Variants in SLC37A3 observed in about 807,000 individuals in gnomAD.
SLC37A3 encodes the protein sugar phosphate exchanger 3.
Under a neutral mutation model 67.1 loss-of-function variants are expected in SLC37A3, and 51 were observed. The observed-to-expected ratio is 0.76, with a 90% CI of 0.61 to 0.96. SLC37A3 has a LOEUF of 0.96. SLC37A3 is among the 40% of genes least tolerant of loss of function. SLC37A3 has a pLI of 0.00. For synonymous variants in SLC37A3, 214 were observed against 231.4 expected, an observed-to-expected ratio of 0.92 and a Z score of 0.68; for missense variants, 508 against 603.0, an observed-to-expected ratio of 0.84 and a Z score of 1.65.
intron 8 of SLC37A3, 123 bp downstream of exon 8, chr7:140,351,937 CCT>C: frequency 1.1e-6 from 1 of 950,342 alleles, no homozygotes; most frequent in Non-Finnish European, 1.7e-6. Context: ...GTACTGTTCT[CCT>C]TTCACTCACT....
intron 13 of SLC37A3, among the ~76,000 whole-genome samples, chr7:140,339,926 G>A (rs1430231959): frequency 6.6e-6 from 1 of 151,944 alleles, no homozygotes; most frequent in Non-Finnish European, 1.5e-5. Flanking sequence ...TTTTAGTAGA[G>A]ACGGGGTTTC....
intron 1 of SLC37A3, among the ~76,000 whole-genome samples, chr7:140,383,761 C>T (rs1178780062): frequency 6.6e-6 from 1 of 152,142 alleles, no homozygotes; most frequent in Non-Finnish European, 1.5e-5. Context: ...ACTGCAACCT[C>T]CGCTTCCCAG....
chr7:140,378,308 A>G (rs952905300), intron 3 of SLC37A3, among the ~76,000 whole-genome samples: 2 of 152,200 alleles, frequency 1.3e-5, no homozygotes, highest in Admixed American at 6.5e-5. Context: ...CATCCACCTC[A>G]CACAACAGTG....
chr7:140,357,907 T>G (rs1452344400), intron 6 of SLC37A3, among the ~76,000 whole-genome samples: 3 of 111,136 alleles, frequency 2.7e-5, no homozygotes, highest in Admixed American at 8.5e-5. Flanking sequence ...CAAAACTCCA[T>G]CTCAAAAAAA....
chr7:140,359,456 C>T (rs796151157), intron 5 of SLC37A3, among the ~76,000 whole-genome samples: 2 of 152,242 alleles, frequency 1.3e-5, no homozygotes, highest in African/African-American at 4.8e-5. Flanking sequence ...GAGGACAGAA[C>T]GAGCCCAGGG....
At chr7:140,348,913 A>C in intron 9 of SLC37A3, 146 bp from the exon 10 acceptor site, 1 of 936,270 alleles carries the variant, frequency 1.1e-6, no homozygotes, top group Non-Finnish European at 1.6e-6. Context: ...ACAAACTCCC[A>C]CATGCCTGAC....
At position 140,360,238 on chromosome 7, in the gene SLC37A3, C is replaced by T. The variant is rs541876583; in HGVS notation, c.376-1453G>A. Among the ~76,000 whole-genome samples, 9 of 152,210 alleles carry T rather than the reference C, an allele frequency of 5.9e-5. No individual in the cohort carries two copies. In the South Asian group the frequency reaches 1.7e-3, roughly 28 times the overall value. ...GTACACACCTACAGTCCCAGCTACACGGGAGGCTAAAATGGGAGGATTGCT... is the reference window on the plus strand; with the variant it reads ...GTACACACCTACAGTCCCAGCTACATGGGAGGCTAAAATGGGAGGATTGCT... On this transcript the variant is annotated intron_variant, in intron 5 of 14. Coordinates refer to ENST00000326232, the MANE Select transcript of SLC37A3 (RefSeq NM_207113.3).
intron 1 of SLC37A3, among the ~76,000 whole-genome samples, chr7:140,397,477 A>G (rs1268230709): frequency 6.6e-6 from 1 of 152,034 alleles, no homozygotes; most frequent in African/African-American, 2.4e-5. Flanking sequence ...TACAGGCATG[A>G]GACACCGCGC....
chr7:140,368,359 T>C (rs940726881), intron 4 of SLC37A3, among the ~76,000 whole-genome samples: 1 of 151,608 alleles, frequency 6.6e-6, no homozygotes, highest in East Asian at 2.0e-4. Context: ...TGAGGTTGGG[T>C]GTTCCAGATC....
Position 140,335,613 on chromosome 7 carries a change from T to C in SLC37A3, c.1393-109A>G, listed in dbSNP as rs535320125. On this transcript the variant is annotated intron_variant, in intron 14 of 14. Transcript: ENST00000326232. ...GACAATTACATTCATTTTGACTTCA[T>C]ACAAAGATAATGTTTAATCTTCAAT... 3.1e-6 allele frequency: 4 copies of C among 1,310,834 alleles called. No homozygotes were observed. In the African/African-American group the frequency reaches 4.4e-5, roughly 14 times the overall value. The allele number at this position is 1,310,834 out of a possible 1,614,324, so 81.2% of individuals were successfully genotyped here.
At chr7:140,393,379 A>C (rs1798797087) in intron 1 of SLC37A3, among the ~76,000 whole-genome samples, 1 of 152,166 alleles carries the variant, frequency 6.6e-6, no homozygotes, top group Non-Finnish European at 1.5e-5. Flanking sequence ...ATATTTAACC[A>C]GGCCCCCACT....
At chr7:140,390,042 T>G (rs1798664304) in intron 1 of SLC37A3, among the ~76,000 whole-genome samples, 2 of 152,120 alleles carry the variant, frequency 1.3e-5, no homozygotes, top group African/African-American at 4.8e-5. Flanking sequence ...TGAGCTATGA[T>G]GATGCCACCA....
Position 140,351,376 on chromosome 7 carries a change from TC to T in SLC37A3, c.778del (p.Glu260LysfsTer22). On this transcript the variant is annotated frameshift_variant, in exon 9 of 15. Transcript: ENST00000326232. LOFTEE classifies it high-confidence loss of function. Reference protein sequence around the residue: ...HRPLINGGENEDEYEPNYSIQ... With the variant: ...HRPLINGGENXDEYEPNYSIQ... ...TGAATAATTCGGCTCATATTCGTCT[TC>T]ATTTTCACCACCATTAATTAATGGC... 6.2e-7 allele frequency: 1 copy of T among 1,614,190 alleles called. No individual in the cohort carries two copies. The highest frequency in any genetic ancestry group is 8.5e-7 in the Non-Finnish European group (1 of 1,180,034).
chr7:140,343,641 C>A (rs151181467), intron 12 of SLC37A3, 78 bp from the exon 13 acceptor site: 1 of 1,439,766 alleles, frequency 6.9e-7, no homozygotes, highest in African/African-American at 1.4e-5. Flanking sequence ...AAATAATATC[C>A]GAATAGTTTT....
At chr7:140,356,327 A>T (rs528967759) in intron 6 of SLC37A3, among the ~76,000 whole-genome samples, 1 of 152,328 alleles carries the variant, frequency 6.6e-6, no homozygotes, top group South Asian at 2.1e-4. Context: ...AAGTCTTTGA[A>T]AAGTGGGCAA....
At chr7:140,379,202 G>C (rs1193009382) in intron 3 of SLC37A3, 1 of 152,240 alleles carries the variant, frequency 6.6e-6, no homozygotes, top group East Asian at 1.9e-4. Context: ...GGCCAGGCAT[G>C]GTGGCTCATA....
Position 140,396,894 on chromosome 7 carries a change from G to GTT in SLC37A3, c.-71+1520_-71+1521dup, listed in dbSNP as rs55939918. ...AATCTCAATTTCTGTTTTTTTTTTT[G>GTT]TTTTTTTTTTTTTGACAGAGTCTGA... On this transcript the variant is annotated intron_variant, in intron 1 of 14. Transcript: ENST00000326232. 8.8e-3 allele frequency among the ~76,000 whole-genome samples: 913 copies of GTT among 104,256 alleles called. 13 individuals carry two copies. The highest frequency in any genetic ancestry group is 0.027 in the African/African-American group (860 of 31,818). 68.4% of individuals were successfully genotyped at this position (104,256 alleles called of 152,430 possible). A position where few individuals can be genotyped will look rare whatever the true frequency, so the allele number is the denominator to read the frequency against.
chr7:140,379,588 A>C (rs1235044691), intron 3 of SLC37A3: 1 of 152,080 alleles, frequency 6.6e-6, no homozygotes, highest in African/African-American at 2.4e-5. Context: ...TTGGGAAAAA[A>C]CTTGATTGAA....
At chr7:140,372,365 G>C (rs746114194) in intron 3 of SLC37A3, among the ~76,000 whole-genome samples, 2 of 152,306 alleles carry the variant, frequency 1.3e-5, no homozygotes, top group East Asian at 3.9e-4. Flanking sequence ...CTCCAAGGGG[G>C]TCTGCAAGGT....
Sources: gnomAD v4.1 joint callset for allele counts (sites outside exome capture counted in the v4.1 genomes callset) on GRCh38, gnomAD v4.1.1 for gene constraint, MANE v1.5 for transcripts, NCBI Gene and HGNC (gene_info 2026-07-23, HGNC 2026-07-21) for gene names.